Variants in NR5A2 observed in about 807,000 individuals in gnomAD.
NR5A2 encodes the protein CYP7A promoter-binding factor.
In NR5A2, 26 loss-of-function variants were observed where a neutral mutation model predicts 62.7. That is an observed-to-expected ratio of 0.41 (90% CI 0.30 to 0.58). The LOEUF (loss-of-function observed/expected upper bound fraction) is 0.58. NR5A2 is among the 20% of genes least tolerant of loss of function. NR5A2 has a pLI of 0.22. For synonymous variants in NR5A2, 246 were observed against 241.7 expected (o/e 1.02, Z -0.16); for missense variants, 541 against 669.1 (o/e 0.81, Z 2.11).
At chr1:200,035,893 C>T (rs991443065) in intron 1 of NR5A2, among the ~76,000 whole-genome samples, 1 of 152,120 alleles carries the variant, frequency 6.6e-6, no homozygotes, top group African/African-American at 2.4e-5. Flanking sequence ...TGAGAACGCG[C>T]AAGGTAGTTG....
At chr1:200,034,688 G>C (rs1249274665) in intron 1 of NR5A2, among the ~76,000 whole-genome samples, 1 of 150,758 alleles carries the variant, frequency 6.6e-6, no homozygotes, top group Admixed American at 6.6e-5. Context: ...ACGCCAGATC[G>C]AGATACTCTC....
In NR5A2 at chr1:200,174,147, C is replaced by A. The variant is rs1015956920; in HGVS notation, c.1563C>A (p.His521Gln). 1 of 1,613,608 alleles carries A rather than the reference C, an allele frequency of 6.2e-7. No individual in the cohort carries two copies. The part of the protein sequence containing the change: ...MQAEEYLYYK[H>Q]LNGDVPYNNL... ...CTGAAGAATACCTCTACTACAAGCA[C>A]CTGAACGGGGATGTGCCCTATAATA... Residue 521 changes from histidine to glutamine, a missense_variant, in exon 8 of 8, where the codon CAC (histidine) becomes CAA (glutamine). His to Gln is a conservative substitution (Grantham distance 24, BLOSUM62 0). Transcript: ENST00000367362.
intron 7 of NR5A2, among the ~76,000 whole-genome samples, chr1:200,155,698 C>CGG (rs1255161729): frequency 2.0e-5 from 3 of 149,010 alleles, no homozygotes; most frequent in African/African-American, 7.4e-5. Context: ...TTTTTTTGGA[C>CGG]AGTCTCACTC....
chr1:200,045,914 A>G (rs1662337777), intron 4 of NR5A2, among the ~76,000 whole-genome samples: 1 of 152,196 alleles, frequency 6.6e-6, no homozygotes, highest in Non-Finnish European at 1.5e-5. Context: ...TGAAAACAAG[A>G]ATAATTTGTA....
At chr1:200,111,170 T>C in intron 5 of NR5A2, 32 bp from the exon 6 acceptor site, 1 of 1,597,528 alleles carries the variant, frequency 6.3e-7, no homozygotes. Context: ...TTTTTTGTTT[T>C]TTTTGTTTGT....
chr1:200,090,070 G>T (rs1011926385), intron 5 of NR5A2, among the ~76,000 whole-genome samples: 1 of 152,130 alleles, frequency 6.6e-6, no homozygotes, highest in Non-Finnish European at 1.5e-5. Flanking sequence ...TAAGATGATC[G>T]CAATTGCACA....
intron 5 of NR5A2, among the ~76,000 whole-genome samples, chr1:200,054,347 C>CT (rs200167494): frequency 0.02 from 2,922 of 148,426 alleles, 94 homozygotes; most frequent in African/African-American, 0.069. Context: ...AGAAGATTGG[C>CT]TTTTTTTTTC....
At chr1:200,115,520 T>G (rs1274057676) in intron 6 of NR5A2, among the ~76,000 whole-genome samples, 1 of 152,180 alleles carries the variant, frequency 6.6e-6, no homozygotes, top group Non-Finnish European at 1.5e-5. Context: ...TTGTAGGAGA[T>G]AAATACATTT....
At chr1:200,118,404 A>T (rs192836508) in intron 6 of NR5A2, among the ~76,000 whole-genome samples, 1 of 152,156 alleles carries the variant, frequency 6.6e-6, no homozygotes, top group African/African-American at 2.4e-5. Flanking sequence ...TTAAATTGTT[A>T]ATCTTGTCCC....
chr1:200,134,206 T>C (rs1245773083), intron 7 of NR5A2, among the ~76,000 whole-genome samples: 1 of 152,140 alleles, frequency 6.6e-6, no homozygotes, highest in African/African-American at 2.4e-5. Flanking sequence ...AAAAATATTT[T>C]TTATAAATTT....
At chr1:200,085,507 A>T (rs929090570) in intron 5 of NR5A2, among the ~76,000 whole-genome samples, 5 of 152,116 alleles carry the variant, frequency 3.3e-5, no homozygotes, top group African/African-American at 1.2e-4. Flanking sequence ...TCAGCATGTA[A>T]CTTCACTGTC....
chr1:200,168,735 C>T (rs933329840), intron 7 of NR5A2, among the ~76,000 whole-genome samples: 3 of 152,112 alleles, frequency 2.0e-5, no homozygotes, highest in Admixed American at 6.5e-5. Flanking sequence ...CCCTAAACAG[C>T]CCTGATTTCT....
chr1:200,034,783 CTTTTTTTTTTTTTT>C lies in NR5A2; in HGVS notation c.65-4857_65-4844del, dbSNP rs767393832. Among the ~76,000 whole-genome samples, 182 of 71,288 alleles carry C rather than the reference CTTTTTTTTTTTTTT, an allele frequency of 2.6e-3. 4 individuals carry two copies. The highest frequency in any genetic ancestry group is 3.1e-3 in the African/African-American group (58 of 18,912). 46.8% of individuals were successfully genotyped at this position (71,288 alleles called of 152,430 possible). A position where few individuals can be genotyped will look rare whatever the true frequency, so the allele number is the denominator to read the frequency against. On this transcript the variant is annotated intron_variant, in intron 1 of 7. Coordinates refer to ENST00000367362, the MANE Select transcript of NR5A2 (RefSeq NM_205860.3). Reference sequence around the variant, plus strand: ...GTTATTCACACGTGCAGCAGAAAGGCTTTTTTTTTTTTTTTTTTTTTTTTTTTTTTTAAACAAGG... The same window carrying C: ...GTTATTCACACGTGCAGCAGAAAGGCTTTTTTTTTTTTTTTTTAAACAAGG...
chr1:200,047,274 T>A (rs1233407260), intron 4 of NR5A2, among the ~76,000 whole-genome samples: 1 of 152,196 alleles, frequency 6.6e-6, no homozygotes, highest in African/African-American at 2.4e-5. Context: ...CCAATTCTAC[T>A]TAAATTAAAA....
chr1:200,052,949 C>A (rs1406898468), intron 5 of NR5A2, among the ~76,000 whole-genome samples: 1 of 152,136 alleles, frequency 6.6e-6, no homozygotes, highest in African/African-American at 2.4e-5. Context: ...CTACCTCTTG[C>A]TCACTCTCTC....
chr1:200,092,221 A>G (rs1416632300), intron 5 of NR5A2, among the ~76,000 whole-genome samples: 2 of 152,238 alleles, frequency 1.3e-5, no homozygotes, highest in African/African-American at 4.8e-5. Flanking sequence ...GAAAGTTTGC[A>G]TTTATGCTAT....
At chr1:200,170,609 C>T (rs947615087) in intron 7 of NR5A2, among the ~76,000 whole-genome samples, 1 of 152,172 alleles carries the variant, frequency 6.6e-6, no homozygotes, top group Admixed American at 6.5e-5. Flanking sequence ...AGTGGAAAAT[C>T]CAGGGTCTAC....
At chr1:200,098,075 T>G (rs111961634) in intron 5 of NR5A2, among the ~76,000 whole-genome samples, 1 of 152,210 alleles carries the variant, frequency 6.6e-6, no homozygotes, top group Non-Finnish European at 1.5e-5. Flanking sequence ...GATGTTTCCA[T>G]GTCCCTCCTT....
chr1:200,075,594 G>A (rs576722481), intron 5 of NR5A2, among the ~76,000 whole-genome samples: 7 of 152,346 alleles, frequency 4.6e-5, no homozygotes, highest in African/African-American at 1.2e-4. Flanking sequence ...AATCTGTTGC[G>A]TGCACTTGAA....
Sources: gnomAD v4.1 joint callset for allele counts (sites outside exome capture counted in the v4.1 genomes callset) on GRCh38, gnomAD v4.1.1 for gene constraint, MANE v1.5 for transcripts, NCBI Gene and HGNC (gene_info 2026-07-23, HGNC 2026-07-21) for gene names.